Variants in COL4A1 observed in about 807,000 individuals in gnomAD.
COL4A1 encodes collagen alpha-1(IV) chain.
In COL4A1, 40 loss-of-function variants were observed where a neutral mutation model predicts 216.6. The observed-to-expected ratio is 0.18, with a 90% CI of 0.14 to 0.24. The LOEUF is 0.24. Ranked by LOEUF, COL4A1 falls within the 10% of genes least tolerant of loss-of-function variation. The pLI is 1.00. For missense variants in COL4A1, 1,628 were observed against 2,196.8 expected (o/e 0.74, Z 5.18); for synonymous variants, 839 against 810.7 (o/e 1.03, Z -0.59).
rs1485417066 is a variant in COL4A1, at chr13:110,205,555, T to G, written c.859-17A>C. On this transcript the variant is annotated splice_polypyrimidine_tract_variant and intron_variant, in intron 15 of 51. Transcript: ENST00000375820. The stretch of plus-strand genomic sequence containing the variant: ...GGGTTTGCCCTGTAGAATAAAGATG[T>G]AAACGTTAGTATTTAATAAATAATA... 2.2e-5 allele frequency: 35 copies of G among 1,612,268 alleles called. No individual in the cohort carries two copies. Among genetic ancestry groups the G allele is most frequent in the Non-Finnish European group, 3.0e-5 (35 of 1,178,764 alleles).
At chr13:110,205,796 G>A (rs182976591) in intron 15 of COL4A1, among the ~76,000 whole-genome samples, 1 of 151,944 alleles carries the variant, frequency 6.6e-6, no homozygotes, top group East Asian at 1.9e-4. Context: ...CCAGGAGGCG[G>A]AGGTTGCAGT....
At chr13:110,237,184 G>T (rs1409910412) in intron 2 of COL4A1, among the ~76,000 whole-genome samples, 1 of 152,220 alleles carries the variant, frequency 6.6e-6, no homozygotes, top group African/African-American at 2.4e-5. Context: ...TCAGTAAGAG[G>T]AAAGGAACTT....
chr13:110,170,123 AAGGAAGGAAGGAAGGAAG>A (rs1877559002), intron 42 of COL4A1, among the ~76,000 whole-genome samples: 1 of 23,148 alleles, frequency 4.3e-5, no homozygotes, highest in African/African-American at 9.0e-5. Flanking sequence ...AGAAGGAAGG[AAGGAAGGAAGGAAGGAAG>A]GAAGGAAGGA....
intron 21 of COL4A1, among the ~76,000 whole-genome samples, chr13:110,195,855 A>G (rs1222657717): frequency 1.3e-5 from 2 of 152,202 alleles, no homozygotes; most frequent in East Asian, 3.9e-4. Flanking sequence ...ACACTCATGC[A>G]CCAGCACTGA....
intron 48 of COL4A1, among the ~76,000 whole-genome samples, chr13:110,161,688 T>C (rs1877093846): frequency 6.6e-6 from 1 of 152,264 alleles, no homozygotes. Flanking sequence ...CTATAGCAGC[T>C]TGCTGATTCT....
intron 1 of COL4A1, among the ~76,000 whole-genome samples, chr13:110,275,556 C>G (rs991265149): frequency 1.3e-5 from 2 of 152,172 alleles, no homozygotes; most frequent in Admixed American, 6.5e-5. Context: ...GCTATTTACC[C>G]AAATGAGCTG....
chr13:110,184,704 T>G (rs59828072), intron 26 of COL4A1, among the ~76,000 whole-genome samples: 50,465 of 146,568 alleles, frequency 0.34, 8,394 homozygotes, highest in East Asian at 0.44. Flanking sequence ...GTGTGTGTGT[T>G]TTGTTTGTTT....
At chr13:110,199,522 T>C (rs553110073) in intron 20 of COL4A1, among the ~76,000 whole-genome samples, 6 of 152,288 alleles carry the variant, frequency 3.9e-5, no homozygotes, top group Admixed American at 3.3e-4. Flanking sequence ...CTGTGTGCCC[T>C]TCCTGAGTGG....
intron 50 of COL4A1, 74 bp downstream of exon 50, chr13:110,155,209 G>A: frequency 9.6e-7 from 1 of 1,046,560 alleles, no homozygotes; most frequent in Non-Finnish European, 1.5e-6. Context: ...AGGTGTGGAG[G>A]CACCAGACAG....
chr13:110,288,840 T>C (rs1883956335), intron 1 of COL4A1, among the ~76,000 whole-genome samples: 1 of 152,086 alleles, frequency 6.6e-6, no homozygotes, highest in Admixed American at 6.5e-5. Context: ...CAGACCAGCC[T>C]GGCCAACATG....
chr13:110,186,923 T>C (rs1325929939), intron 25 of COL4A1, among the ~76,000 whole-genome samples: 1 of 152,242 alleles, frequency 6.6e-6, no homozygotes, highest in Non-Finnish European at 1.5e-5. Flanking sequence ...CAGAAGACAC[T>C]GATCTGTTAT....
chr13:110,219,501 C>T (rs988754323), intron 2 of COL4A1, among the ~76,000 whole-genome samples: 1 of 151,884 alleles, frequency 6.6e-6, no homozygotes, highest in African/African-American at 2.4e-5. Flanking sequence ...CCAGCCCAGA[C>T]GTCTAGCTTG....
chr13:110,222,083 C>A (rs1246108248), intron 2 of COL4A1, among the ~76,000 whole-genome samples: 1 of 152,172 alleles, frequency 6.6e-6, no homozygotes, highest in Non-Finnish European at 1.5e-5. Flanking sequence ...TCCGTAGACA[C>A]CCACCCTTCA....
chr13:110,220,000 C>T (rs1162296125), intron 2 of COL4A1, among the ~76,000 whole-genome samples: 1 of 149,572 alleles, frequency 6.7e-6, no homozygotes, highest in East Asian at 1.9e-4. Context: ...GGCAGGGTCT[C>T]ACTCTGTCAC....
Position 110,212,468 on chromosome 13 carries a change from G to C in COL4A1, c.336C>G (p.Gly112=). Residue 112 remains glycine (G), a synonymous_variant, in exon 6 of 52, where the codon GGC becomes GGG. Transcript: ENST00000375820. ...CTGGGGGGCCTGGCGGGCCGTCTTG[G>C]CCAGGAATTCCCTGCAATGAAGAAA... ...PGNPGLPGIP[G]QDGPPGPPGI... 1 of 1,614,172 alleles carries C rather than the reference G, an allele frequency of 6.2e-7. No individual in the cohort carries two copies. Among genetic ancestry groups the C allele is most frequent in the Non-Finnish European group, 8.5e-7 (1 of 1,180,046 alleles).
chr13:110,183,403 G>C, intron 26 of COL4A1, 127 bp from the exon 27 acceptor site: 1 of 846,274 alleles, frequency 1.2e-6, no homozygotes, highest in Non-Finnish European at 1.9e-6. Context: ...GGAGAGCAGA[G>C]CCTCTGCCTG....
rs146763259 is a variant in COL4A1, at chr13:110,153,266, C to T, written c.4756-760G>A. On this transcript the variant is annotated intron_variant, in intron 50 of 51. Transcript: ENST00000375820. The stretch of plus-strand genomic sequence containing the variant: ...GGACATTCTCGGATCTGACCAGGAT[C>T]ACATAGCTTCAAGGCGGAGCAGAGG... 5.3e-3 allele frequency among the ~76,000 whole-genome samples: 807 copies of T among 152,356 alleles called. 5 individuals carry two copies. Among genetic ancestry groups the T allele is most frequent in the African/African-American group, 0.018 (754 of 41,574 alleles).
intron 19 of COL4A1, 27 bp from the exon 20 acceptor site, chr13:110,200,916 C>T (rs924613538): frequency 3.1e-6 from 5 of 1,613,028 alleles, no homozygotes; most frequent in Non-Finnish European, 4.2e-6. Context: ...AGTGTTGGAT[C>T]AAACAGAACA....
chr13:110,247,763 C>G (rs1881884803), intron 1 of COL4A1, among the ~76,000 whole-genome samples: 1 of 136,444 alleles, frequency 7.3e-6, no homozygotes, highest in African/African-American at 2.8e-5. Context: ...TTTAACTGAA[C>G]CGAAGAATAC....
Sources: allele counts gnomAD v4.1 joint callset (sites outside exome capture counted in the v4.1 genomes callset), GRCh38; gene constraint gnomAD v4.1.1; transcripts MANE v1.5; gene names NCBI Gene and HGNC (gene_info 2026-07-23, HGNC 2026-07-21).